Variants in PSPH observed in about 807,000 individuals in gnomAD.
The protein encoded by PSPH is phosphoserine phosphatase, also known as L-3-phosphoserine phosphatase.
PSPH carries 16 observed loss-of-function variants against 23.4 expected under a neutral mutation model. The observed-to-expected ratio is 0.68, with a 90% CI of 0.46 to 1.04. The LOEUF (loss-of-function observed/expected upper bound fraction) is 1.04, where lower values mean the gene tolerates loss of function less well. Among genes scored for constraint, PSPH ranks in the 50% least tolerant of loss-of-function variants. The pLI, the probability that PSPH is intolerant of heterozygous loss-of-function variation, is 0.00. For synonymous variants in PSPH, 68 were observed against 99.7 expected (o/e 0.68, Z 1.89); for missense variants, 223 against 273.7 (o/e 0.81, Z 1.31).
chr7:56,032,653 C>CAA (rs71015165), intron 2 of PSPH, among the ~76,000 whole-genome samples: 31 of 80,586 alleles, frequency 3.8e-4, no homozygotes, highest in Admixed American at 8.4e-4. Context: ...GAGCGAGTCT[C>CAA]AAAAAAAAAA....
At chr7:56,032,308 G>A (rs1396428246) in intron 2 of PSPH, among the ~76,000 whole-genome samples, 5 of 152,038 alleles carry the variant, frequency 3.3e-5, no homozygotes, top group African/African-American at 1.2e-4. Context: ...TGATTAGCAG[G>A]GTACAAAGAC....
At chr7:56,041,377 T>C (rs370379915) in intron 1 of PSPH, among the ~76,000 whole-genome samples, 1 of 151,800 alleles carries the variant, frequency 6.6e-6, no homozygotes, top group South Asian at 2.1e-4. Context: ...CATGCCCAGC[T>C]AATTTTTGTA....
At chr7:56,027,885 T>TC in intron 3 of PSPH, among the ~76,000 whole-genome samples, 1 of 112,178 alleles carries the variant, frequency 8.9e-6, no homozygotes, top group Admixed American at 9.7e-5. Flanking sequence ...AGATTCTTTC[T>TC]CTAAAAAAAA....
At chr7:56,035,407 G>A (rs1343104117) in intron 1 of PSPH, among the ~76,000 whole-genome samples, 14 of 152,028 alleles carry the variant, frequency 9.2e-5, no homozygotes, top group Non-Finnish European at 7.3e-5. Flanking sequence ...AACAAATAAG[G>A]GGTGTTTCCC....
chr7:56,050,019 C>G (rs1377994264), intron 1 of PSPH, among the ~76,000 whole-genome samples: 2 of 152,058 alleles, frequency 1.3e-5, no homozygotes, highest in Non-Finnish European at 2.9e-5. Flanking sequence ...TACAAGCGTG[C>G]GCCACCATGC....
At chr7:56,049,062 C>G (rs867602040) in intron 1 of PSPH, among the ~76,000 whole-genome samples, 4 of 151,842 alleles carry the variant, frequency 2.6e-5, no homozygotes, top group Middle Eastern at 3.4e-3. Context: ...TGGAACTACA[C>G]GCACCCGCCA....
intron 5 of PSPH, among the ~76,000 whole-genome samples, chr7:56,018,842 C>A (rs899272269): frequency 2.0e-5 from 3 of 151,812 alleles, no homozygotes; most frequent in Non-Finnish European, 4.4e-5. Context: ...TGGTGGCCTA[C>A]GTCTGTAGTC....
rs67220264 is a variant in PSPH, at chr7:56,039,774, CAA to C, written c.-291-5670_-291-5669del. 1.3e-3 allele frequency among the ~76,000 whole-genome samples: 86 copies of C among 64,962 alleles called. 1 individual carries two copies. Among genetic ancestry groups the C allele is most frequent in the African/African-American group, 3.0e-3 (47 of 15,542 alleles). 42.6% of individuals were successfully genotyped at this position (64,962 alleles called of 152,430 possible). ...CTGGTGACAGAGAAAGACTCTGTCT[CAA>C]AAAAAAAAAAAAAAAAATTAAAAAA... On this transcript the variant is annotated intron_variant, in intron 1 of 7. Coordinates refer to ENST00000275605, the MANE Select transcript of PSPH (RefSeq NM_004577.4).
chr7:56,038,282 CAAAAAATACA>C (rs1791996087), intron 1 of PSPH, among the ~76,000 whole-genome samples: 3 of 72,190 alleles, frequency 4.2e-5, no homozygotes, highest in Admixed American at 2.9e-4. Flanking sequence ...ACTAAAAATA[CAAAAAATACA>C]AAAAAAAAAA....
At chr7:56,042,645 T>C in intron 1 of PSPH, among the ~76,000 whole-genome samples, 1 of 146,770 alleles carries the variant, frequency 6.8e-6, no homozygotes, top group East Asian at 2.0e-4. Context: ...AGTGGGACCC[T>C]GTCTCAGAAG....
intron 1 of PSPH, among the ~76,000 whole-genome samples, chr7:56,034,962 C>T (rs1392712224): frequency 2.6e-5 from 4 of 151,754 alleles, no homozygotes; most frequent in Non-Finnish European, 4.4e-5. Context: ...GGCTCAAACA[C>T]CTGGGCTCAA....
chr7:56,028,914 G>A (rs1790572635), intron 3 of PSPH, among the ~76,000 whole-genome samples: 1 of 152,014 alleles, frequency 6.6e-6, no homozygotes, highest in African/African-American at 2.4e-5. Context: ...CGCCTCCCAG[G>A]TTCAAGCGAT....
At chr7:56,015,670 T>A (rs566334092) in intron 6 of PSPH, among the ~76,000 whole-genome samples, 143 of 152,280 alleles carry the variant, frequency 9.4e-4, no homozygotes, top group South Asian at 1.9e-3. Context: ...TTAATTAATT[T>A]ATTTTTGAGA....
At chr7:56,018,003 A>G (rs1436384601) in intron 5 of PSPH, among the ~76,000 whole-genome samples, 4 of 150,944 alleles carry the variant, frequency 2.6e-5, no homozygotes, top group Non-Finnish European at 4.4e-5. Flanking sequence ...GATTACATGC[A>G]TGAGCCACCA....
intron 3 of PSPH, among the ~76,000 whole-genome samples, chr7:56,026,711 T>C (rs1347275916): frequency 6.6e-6 from 1 of 151,972 alleles, no homozygotes; most frequent in Non-Finnish European, 1.5e-5. Context: ...AGCTAATTCA[T>C]ACTACATGCC....
intron 1 of PSPH, among the ~76,000 whole-genome samples, chr7:56,040,378 C>T (rs144634087): frequency 6.6e-6 from 1 of 151,136 alleles, no homozygotes; most frequent in Admixed American, 6.6e-5. Context: ...AAACATTATT[C>T]ATTTATTTAC....
At chr7:56,032,443 GA>G (rs1442562715) in intron 2 of PSPH, among the ~76,000 whole-genome samples, 6 of 147,146 alleles carry the variant, frequency 4.1e-5, no homozygotes, top group Non-Finnish European at 9.0e-5. Context: ...GGCGGATCAC[GA>G]GGTCAGATCA....
intron 1 of PSPH, among the ~76,000 whole-genome samples, chr7:56,046,107 TTTG>T (rs1339440949): frequency 1.3e-5 from 2 of 151,840 alleles, no homozygotes; most frequent in Non-Finnish European, 1.5e-5. Flanking sequence ...ATCTATTGCT[TTTG>T]TTGTTGTTGT....
rs1287119042 is a variant in PSPH, at chr7:56,026,281, G to A, written c.-19-5050C>T. Among the ~76,000 whole-genome samples, 6 of 151,946 alleles carry A rather than the reference G, an allele frequency of 3.9e-5. No homozygotes were observed. In the East Asian group the frequency reaches 5.8e-4, roughly 15 times the overall value. On this transcript the variant is annotated intron_variant, in intron 3 of 7. Transcript: ENST00000275605. Reference sequence around the variant, plus strand: ...ACTTGAGGTCAGGAGTTCGAGACCCGCCTGGCCAACATGGTGAAACCCCAT... The same window carrying A: ...ACTTGAGGTCAGGAGTTCGAGACCCACCTGGCCAACATGGTGAAACCCCAT...
Sources: allele counts gnomAD v4.1 joint callset (sites outside exome capture counted in the v4.1 genomes callset), GRCh38; gene constraint gnomAD v4.1.1; transcripts MANE v1.5; gene names NCBI Gene and HGNC (gene_info 2026-07-23, HGNC 2026-07-21).